Variants in EPB41L5 observed in about 807,000 individuals in gnomAD.
EPB41L5 encodes the protein erythrocyte membrane protein band 4.1 like 5, also known as band 4.1-like protein 5.
Under a neutral mutation model 106.6 loss-of-function variants are expected in EPB41L5, and 55 were observed. The ratio of observed to expected loss-of-function variants is 0.52; its 90% CI spans 0.42 to 0.65. The LOEUF (loss-of-function observed/expected upper bound fraction) is 0.65. Among genes scored for constraint, EPB41L5 ranks in the 30% least tolerant of loss-of-function variants. The pLI, the probability that EPB41L5 is intolerant of heterozygous loss-of-function variation, is 0.00. For missense variants in EPB41L5, 871 were observed against 882.1 expected (o/e 0.99, Z 0.16); for synonymous variants, 297 against 306.7 (o/e 0.97, Z 0.33).
Position 120,093,240 on chromosome 2 carries a change from T to C in EPB41L5, c.1151-9T>C. On this transcript the variant is annotated splice_polypyrimidine_tract_variant and intron_variant, in intron 13 of 24. Transcript: ENST00000263713. Reference sequence around the variant, plus strand: ...AACTAATGAGGTGTTATCTTTTTTCTTCTGTTAGCATGTGCTACAAAACCT... The same window carrying C: ...AACTAATGAGGTGTTATCTTTTTTCCTCTGTTAGCATGTGCTACAAAACCT... 1 of 1,612,822 alleles carries C rather than the reference T, an allele frequency of 6.2e-7. No homozygotes were observed. The highest frequency in any genetic ancestry group is 8.5e-7 in the Non-Finnish European group (1 of 1,178,786).
chr2:120,135,203 C>T (rs569738382), intron 18 of EPB41L5, among the ~76,000 whole-genome samples: 48 of 151,916 alleles, frequency 3.2e-4, no homozygotes, highest in African/African-American at 1.2e-3. Context: ...CAGAATTGAT[C>T]AAGCAGAAGA....
intron 3 of EPB41L5, among the ~76,000 whole-genome samples, chr2:120,057,394 T>A (rs1335729884): frequency 2.0e-5 from 3 of 152,208 alleles, no homozygotes; most frequent in Admixed American, 6.5e-5. Context: ...CCAGTGATGA[T>A]CTTAAACTTA....
chr2:120,090,064 C>T (rs1323987764), intron 11 of EPB41L5, among the ~76,000 whole-genome samples: 4 of 151,838 alleles, frequency 2.6e-5, no homozygotes, highest in Non-Finnish European at 5.9e-5. Context: ...TATAATTATA[C>T]AGTTATCCCA....
intron 2 of EPB41L5, among the ~76,000 whole-genome samples, chr2:120,031,281 C>A (rs1425594551): frequency 6.6e-6 from 1 of 152,236 alleles, no homozygotes; most frequent in Non-Finnish European, 1.5e-5. Context: ...ACTCTTTCTC[C>A]ATTGCAATTC....
intron 16 of EPB41L5, chr2:120,106,698 C>T (rs1684472252): frequency 1.0e-6 from 1 of 985,224 alleles, no homozygotes; most frequent in Non-Finnish European, 1.2e-6. Context: ...ACTGTTTTTA[C>T]AGTCAAGGAA....
intron 16 of EPB41L5, among the ~76,000 whole-genome samples, chr2:120,117,118 A>T (rs888279574): frequency 1.9e-4 from 29 of 152,218 alleles, no homozygotes; most frequent in Non-Finnish European, 2.9e-5. Flanking sequence ...TAAGAAATAG[A>T]AATTACCACT....
intron 20 of EPB41L5, among the ~76,000 whole-genome samples, chr2:120,151,321 TAATG>T (rs1406871699): frequency 2.6e-5 from 4 of 151,846 alleles, no homozygotes; most frequent in Non-Finnish European, 2.9e-5. Context: ...ATAATAATAA[TAATG>T]CAGAAAAAAA....
At chr2:120,041,557 T>C (rs1473021646) in intron 2 of EPB41L5, among the ~76,000 whole-genome samples, 1 of 152,182 alleles carries the variant, frequency 6.6e-6, no homozygotes, top group African/African-American at 2.4e-5. Flanking sequence ...CAAGCCTTCA[T>C]TGATTATTCT....
chr2:120,088,713 A>G (rs1032511447), intron 11 of EPB41L5, among the ~76,000 whole-genome samples: 1 of 127,090 alleles, frequency 7.9e-6, no homozygotes, highest in Admixed American at 8.8e-5. Context: ...CCCACCAGCA[A>G]TGTTATTGGT....
chr2:120,046,960 C>T (rs1679821702), intron 3 of EPB41L5, among the ~76,000 whole-genome samples: 2 of 152,066 alleles, frequency 1.3e-5, no homozygotes, highest in African/African-American at 2.4e-5. Context: ...TGTCAAAGAT[C>T]AGATGGTTGT....
chr2:120,019,451 T>G (rs1677778113), intron 2 of EPB41L5, among the ~76,000 whole-genome samples, 187 bp downstream of exon 2: 2 of 152,174 alleles, frequency 1.3e-5, no homozygotes, highest in Admixed American at 1.3e-4. Flanking sequence ...CTTGGATTGG[T>G]GGTATTTCTC....
intron 3 of EPB41L5, among the ~76,000 whole-genome samples, chr2:120,052,057 C>T (rs998581458): frequency 6.6e-6 from 1 of 152,168 alleles, no homozygotes; most frequent in Non-Finnish European, 1.5e-5. Flanking sequence ...GAACTCCTGA[C>T]CTCGTGATCT....
chr2:120,025,881 G>A (rs1474591833), intron 2 of EPB41L5, among the ~76,000 whole-genome samples: 1 of 152,122 alleles, frequency 6.6e-6, no homozygotes. Context: ...CCAATTCTAA[G>A]ACTTACTACA....
intron 11 of EPB41L5, among the ~76,000 whole-genome samples, chr2:120,090,105 C>G (rs1046164183): frequency 6.6e-6 from 1 of 151,678 alleles, no homozygotes; most frequent in African/African-American, 2.4e-5. Flanking sequence ...CATTTTATGT[C>G]TCTCTCACAA....
chr2:120,141,822 T>C (rs764645635), intron 18 of EPB41L5, among the ~76,000 whole-genome samples: 2 of 152,120 alleles, frequency 1.3e-5, no homozygotes, highest in Admixed American at 6.6e-5. Context: ...ACTTGCTTTT[T>C]AATGGCCTCA....
At chr2:120,136,848 A>T (rs1054775986) in intron 18 of EPB41L5, among the ~76,000 whole-genome samples, 10 of 152,074 alleles carry the variant, frequency 6.6e-5, no homozygotes, top group Admixed American at 6.6e-4. Flanking sequence ...CAGAAAAATT[A>T]ACTCAAAAAA....
intron 7 of EPB41L5, among the ~76,000 whole-genome samples, chr2:120,076,672 A>G (rs1342932305): frequency 6.6e-6 from 1 of 151,854 alleles, no homozygotes; most frequent in African/African-American, 2.4e-5. Context: ...TATTCACTAT[A>G]AGGTCAGAGG....
intron 18 of EPB41L5, among the ~76,000 whole-genome samples, chr2:120,134,418 G>A (rs552690196): frequency 6.6e-6 from 1 of 152,054 alleles, no homozygotes; most frequent in African/African-American, 2.4e-5. Context: ...ACTTGCTGAC[G>A]GAAGAACCTT....
chr2:120,094,797 C>G (rs1683634993), intron 14 of EPB41L5, among the ~76,000 whole-genome samples: 1 of 151,960 alleles, frequency 6.6e-6, no homozygotes, highest in South Asian at 2.1e-4. Context: ...CTTGTGATTT[C>G]TTCTTTGACT....
Sources: allele counts gnomAD v4.1 joint callset (sites outside exome capture counted in the v4.1 genomes callset), GRCh38; gene constraint gnomAD v4.1.1; transcripts MANE v1.5; gene names NCBI Gene and HGNC (gene_info 2026-07-23, HGNC 2026-07-21).